GLIPR1L1: variants seen among roughly 807,000 people sequenced by gnomAD.
The protein encoded by GLIPR1L1 is GLIPR1-like protein 1.
Under a neutral mutation model 29.9 loss-of-function variants are expected in GLIPR1L1, and 26 were observed. The ratio of observed to expected loss-of-function variants is 0.87; its 90% CI spans 0.64 to 1.21. The LOEUF is 1.21. Among genes scored for constraint, GLIPR1L1 ranks in the 50% most tolerant of loss-of-function variants. The pLI is 0.00. For synonymous variants in GLIPR1L1, 77 were observed against 97.5 expected (o/e 0.79, Z 1.24); for missense variants, 305 against 290.3 (o/e 1.05, Z -0.37).
intron 1 of GLIPR1L1, among the ~76,000 whole-genome samples, chr12:75,340,309 G>T (rs764907423): frequency 1.3e-5 from 2 of 151,756 alleles, no homozygotes; most frequent in Non-Finnish European, 2.9e-5. Flanking sequence ...TTTCCTCTGC[G>T]TAGATTTTTG....
At chr12:75,362,826 A>T (rs2043696624) in intron 3 of GLIPR1L1, among the ~76,000 whole-genome samples, 1 of 152,150 alleles carries the variant, frequency 6.6e-6, no homozygotes, top group Non-Finnish European at 1.5e-5. Context: ...TATGACAAAA[A>T]CTTTGCAACT....
chr12:75,338,033 G>C (rs1313506447), intron 1 of GLIPR1L1, among the ~76,000 whole-genome samples: 1 of 151,996 alleles, frequency 6.6e-6, no homozygotes, highest in Non-Finnish European at 1.5e-5. Flanking sequence ...AAATTCAGGT[G>C]AATTCTAAGA....
chr12:75,359,444 T>C (rs1593800738), intron 3 of GLIPR1L1, among the ~76,000 whole-genome samples: 1 of 149,560 alleles, frequency 6.7e-6, no homozygotes, highest in Non-Finnish European at 1.5e-5. Flanking sequence ...CAGGATTTTA[T>C]TGTATAAATT....
At chr12:75,338,619 G>T in intron 1 of GLIPR1L1, among the ~76,000 whole-genome samples, 1 of 151,786 alleles carries the variant, frequency 6.6e-6, no homozygotes. Context: ...AAGTTCTGGG[G>T]TACATGTGCA....
intron 3 of GLIPR1L1, 146 bp downstream of exon 3, chr12:75,347,868 T>C (rs754850768): frequency 7.5e-5 from 29 of 385,454 alleles, no homozygotes; most frequent in Non-Finnish European, 1.3e-4. Context: ...TAGGTGAAAA[T>C]AGAAGATGGT....
intron 4 of GLIPR1L1, chr12:75,366,687 G>A (rs2043987053): frequency 1.9e-6 from 1 of 539,906 alleles, no homozygotes; most frequent in African/African-American, 1.9e-5. Flanking sequence ...TGTGGCCTAG[G>A]GTTTTTTTGT....
chr12:75,367,615 TTTA>T (rs2044066791), intron 4 of GLIPR1L1, among the ~76,000 whole-genome samples: 1 of 152,094 alleles, frequency 6.6e-6, no homozygotes, highest in East Asian at 1.9e-4. Flanking sequence ...GATAATTGAT[TTTA>T]TTGCCTTAAA....
intron 4 of GLIPR1L1, chr12:75,367,147 C>G (rs1048029043): frequency 1.6e-6 from 1 of 632,096 alleles, no homozygotes; most frequent in Non-Finnish European, 2.8e-6. Context: ...AAAGTGGAAA[C>G]CAAATAGGGT....
intron 3 of GLIPR1L1, among the ~76,000 whole-genome samples, chr12:75,348,099 G>T (rs1190428195): frequency 6.6e-6 from 1 of 152,052 alleles, no homozygotes; most frequent in East Asian, 1.9e-4. Context: ...GATTGTAAAA[G>T]AACATACTTT....
chr12:75,369,761 T>C (rs1482832700), intron 4 of GLIPR1L1, 199 bp from the exon 5 acceptor site: 3 of 984,912 alleles, frequency 3.0e-6, no homozygotes, highest in Non-Finnish European at 3.6e-6. Flanking sequence ...GAAATATTTG[T>C]TGACATAACA....
chr12:75,355,673 C>A (rs1160501781), intron 3 of GLIPR1L1, among the ~76,000 whole-genome samples: 2 of 152,072 alleles, frequency 1.3e-5, no homozygotes, highest in South Asian at 2.1e-4. Flanking sequence ...AAGATAAATG[C>A]ACAAGTAGGT....
intron 1 of GLIPR1L1, among the ~76,000 whole-genome samples, chr12:75,337,945 C>A (rs1234537248): frequency 6.6e-6 from 1 of 152,032 alleles, no homozygotes; most frequent in Admixed American, 6.6e-5. Flanking sequence ...TGAGATCATT[C>A]ATCTGCATCT....
At chr12:75,346,321 T>G (rs2042442313) in intron 2 of GLIPR1L1, among the ~76,000 whole-genome samples, 1 of 152,224 alleles carries the variant, frequency 6.6e-6, no homozygotes, top group Non-Finnish European at 1.5e-5. Context: ...TCTCATTTCA[T>G]TAAGTGGGAA....
chr12:75,362,841 C>T (rs1028641420), intron 3 of GLIPR1L1, among the ~76,000 whole-genome samples: 6 of 152,130 alleles, frequency 3.9e-5, no homozygotes, highest in African/African-American at 1.4e-4. Flanking sequence ...GCAACTATCA[C>T]ATGCATAATT....
chr12:75,369,892 T>C (rs1311855714), intron 4 of GLIPR1L1, 68 bp from the exon 5 acceptor site: 11 of 1,327,576 alleles, frequency 8.3e-6, no homozygotes, highest in Non-Finnish European at 1.1e-5. Context: ...CTAAAAGCCA[T>C]AAAAGCAAAG....
chr12:75,337,924 C>CA (rs2139257740), intron 1 of GLIPR1L1, among the ~76,000 whole-genome samples: 1 of 152,066 alleles, frequency 6.6e-6, no homozygotes, highest in Non-Finnish European at 1.5e-5. Context: ...GATATTTAAC[C>CA]AATGTATGAA....
At chr12:75,369,777 G>A (rs1593873196) in intron 4 of GLIPR1L1, 183 bp from the exon 5 acceptor site, 24 of 983,986 alleles carry the variant, frequency 2.4e-5, no homozygotes, top group Non-Finnish European at 2.9e-5. Flanking sequence ...TAACACTGTT[G>A]GTAGGAAGCA....
chr12:75,359,357 CTTTTTTTTTTTT>C (rs61616225), intron 3 of GLIPR1L1, among the ~76,000 whole-genome samples: 31 of 28,584 alleles, frequency 1.1e-3, no homozygotes, highest in African/African-American at 1.5e-3. Context: ...GCATTGTTGT[CTTTTTTTTTTTT>C]TTTTTTTTTT....
intron 3 of GLIPR1L1, 131 bp from the exon 4 acceptor site, chr12:75,362,971 T>C (rs2043709642): frequency 3.9e-6 from 2 of 514,512 alleles, no homozygotes; most frequent in East Asian, 7.5e-5. Flanking sequence ...GAAAATAAAA[T>C]TGAGACATTA....
Sources: allele counts gnomAD v4.1 joint callset (sites outside exome capture counted in the v4.1 genomes callset), GRCh38; gene constraint gnomAD v4.1.1; transcripts MANE v1.5; gene names NCBI Gene and HGNC (gene_info 2026-07-23, HGNC 2026-07-21).